The following DUSP16 variants were observed in gnomAD, a reference collection of about 807,000 sequenced individuals.
DUSP16 encodes the protein dual specificity protein phosphatase 16.
DUSP16 carries 21 observed loss-of-function variants against 58.3 expected under a neutral mutation model. The observed-to-expected ratio is 0.36, with a 90% CI of 0.26 to 0.52. DUSP16 has a LOEUF of 0.52. Among genes scored for constraint, DUSP16 ranks in the 20% least tolerant of loss-of-function variants. DUSP16 has a pLI of 0.94. For synonymous variants in DUSP16, 320 were observed against 323.8 expected (o/e 0.99, Z 0.12); for missense variants, 726 against 819.0 (o/e 0.89, Z 1.39).
intron 1 of DUSP16, among the ~76,000 whole-genome samples, chr12:12,545,584 T>C (rs1944630138): frequency 6.6e-6 from 1 of 152,100 alleles, no homozygotes; most frequent in Admixed American, 6.6e-5. Context: ...GCCTGGCCAC[T>C]ACATTTATTT....
In DUSP16 at chr12:12,552,313, G is replaced by T. The variant is rs577333190; in HGVS notation, c.-366+9804C>A. ...ATATAAAAATTAGCTGGGCATGGTG[G>T]TGCGTGCCTGTAATCCCAGTTACTT... On this transcript the variant is annotated intron_variant, in intron 1 of 6. Transcript: ENST00000298573. Among the ~76,000 whole-genome samples the T allele has an allele frequency of 2.0e-5, 3 of 152,028 alleles. No homozygotes were observed. In the East Asian group the frequency reaches 5.8e-4, roughly 30 times the overall value.
At chr12:12,542,486 T>C (rs1297602794) in intron 1 of DUSP16, among the ~76,000 whole-genome samples, 4 of 149,792 alleles carry the variant, frequency 2.7e-5, no homozygotes, top group Non-Finnish European at 5.9e-5. Context: ...GAGTGGGAAA[T>C]GGTGTATGAC....
intron 4 of DUSP16, among the ~76,000 whole-genome samples, chr12:12,488,449 T>C (rs1187926265): frequency 6.6e-6 from 1 of 152,230 alleles, no homozygotes; most frequent in Non-Finnish European, 1.5e-5. Flanking sequence ...GTCTTGTTTT[T>C]GCACCTTCAG....
intron 5 of DUSP16, among the ~76,000 whole-genome samples, chr12:12,481,810 T>G (rs1565975551): frequency 6.6e-6 from 1 of 152,280 alleles, no homozygotes; most frequent in East Asian, 1.9e-4. Flanking sequence ...TTCCTGTGCC[T>G]CCAGCATCCC....
intron 1 of DUSP16, among the ~76,000 whole-genome samples, chr12:12,541,828 A>AACT (rs10685981): frequency 6.6e-6 from 1 of 151,652 alleles, no homozygotes; most frequent in Admixed American, 6.6e-5. Context: ...AATCTAAAAT[A>AACT]ATTTAAGAAA....
chr12:12,556,655 T>G (rs375246007), intron 1 of DUSP16, among the ~76,000 whole-genome samples: 4 of 152,078 alleles, frequency 2.6e-5, no homozygotes, highest in Admixed American at 2.0e-4. Flanking sequence ...AAGAACAAAA[T>G]GTGCCCCAAA....
chr12:12,530,511 C>A (rs957714813), intron 1 of DUSP16, among the ~76,000 whole-genome samples: 11 of 152,148 alleles, frequency 7.2e-5, no homozygotes, highest in African/African-American at 2.7e-4. Flanking sequence ...TTTAGCTTGA[C>A]ATAATCCCAT....
intron 4 of DUSP16, among the ~76,000 whole-genome samples, chr12:12,493,290 C>G (rs1282882760): frequency 1.3e-5 from 2 of 152,162 alleles, no homozygotes; most frequent in Non-Finnish European, 2.9e-5. Context: ...CACACCCCTA[C>G]CATCCAATCC....
intron 4 of DUSP16, among the ~76,000 whole-genome samples, chr12:12,496,015 C>T (rs530553822): frequency 6.6e-6 from 1 of 152,260 alleles, no homozygotes; most frequent in South Asian, 2.1e-4. Context: ...GGTAAAGAGA[C>T]TGAGATGCAG....
chr12:12,522,854 G>A (rs1027996017), intron 1 of DUSP16, among the ~76,000 whole-genome samples: 11 of 152,162 alleles, frequency 7.2e-5, no homozygotes, highest in Non-Finnish European at 8.8e-5. Context: ...ATGAGCCACC[G>A]CACCCAGCCT....
At chr12:12,520,775 A>G (rs1305391724) in intron 2 of DUSP16, 96 bp downstream of exon 2, 4 of 1,441,372 alleles carry the variant, frequency 2.8e-6, no homozygotes, top group Non-Finnish European at 2.8e-6. Flanking sequence ...AACTTCCTCA[A>G]ATTACTTTCT....
At chr12:12,561,965 C>T (rs1944910599) in intron 1 of DUSP16, among the ~76,000 whole-genome samples, 152 bp downstream of exon 1, 1 of 150,312 alleles carries the variant, frequency 6.7e-6, no homozygotes, top group African/African-American at 2.4e-5. Flanking sequence ...GCCGGTACGC[C>T]CGGGAAGGCA....
chr12:12,552,634 A>G (rs1403958068), intron 1 of DUSP16, among the ~76,000 whole-genome samples: 2 of 152,174 alleles, frequency 1.3e-5, no homozygotes, highest in African/African-American at 4.8e-5. Flanking sequence ...TACAGGAGCA[A>G]TTATGCAAAC....
At chr12:12,556,429 G>A (rs565241106) in intron 1 of DUSP16, among the ~76,000 whole-genome samples, 24 of 151,998 alleles carry the variant, frequency 1.6e-4, no homozygotes, top group African/African-American at 1.4e-4. Context: ...ATAATTAGCC[G>A]GGTGTGGTGG....
intron 1 of DUSP16, among the ~76,000 whole-genome samples, chr12:12,556,093 G>C (rs1944801637): frequency 6.6e-6 from 1 of 152,080 alleles, no homozygotes; most frequent in Non-Finnish European, 1.5e-5. Flanking sequence ...GAAATCAAGA[G>C]AGCACTAAAG....
At chr12:12,518,840 C>A (rs955938183) in intron 3 of DUSP16, among the ~76,000 whole-genome samples, 1 of 152,180 alleles carries the variant, frequency 6.6e-6, no homozygotes, top group Non-Finnish European at 1.5e-5. Flanking sequence ...GATAGACAAT[C>A]TGAAAAAGAT....
chr12:12,547,531 TAAAAA>T (rs761142479), intron 1 of DUSP16, among the ~76,000 whole-genome samples: 1 of 66,656 alleles, frequency 1.5e-5, no homozygotes, highest in African/African-American at 4.9e-5. Flanking sequence ...TGAGTAGGCT[TAAAAA>T]AAAAAAAAAA....
At position 12,475,429 on chromosome 12, in the gene DUSP16, C is replaced by T. The variant is rs1167494123; in HGVS notation, c.*1404G>A. 2.0e-5 allele frequency: 3 copies of T among 152,368 alleles called. No individual in the cohort carries two copies. The highest frequency in any genetic ancestry group is 7.2e-5 in the African/African-American group (3 of 41,564). 9.4% of individuals were successfully genotyped at this position (152,368 alleles called of 1,614,324 possible). On this transcript the variant is annotated 3_prime_UTR_variant, in exon 7 of 7. Transcript: ENST00000298573. Reference sequence around the variant, plus strand: ...AGGACTGAGGACGCCCCTTTGCTCTCGCTCCATTTTGATTTGCTTTTTCCA... The same window carrying T: ...AGGACTGAGGACGCCCCTTTGCTCTTGCTCCATTTTGATTTGCTTTTTCCA...
rs1212186620 is a variant in DUSP16, at chr12:12,562,516, G to C, written c.-765C>G. ...AGGTGGTAATAATCGTTTAAAAACT[G>C]ATTAAAGCCCCCCAAACACTGATAC... On this transcript the variant is annotated 5_prime_UTR_variant, in exon 1 of 7. The change creates a new upstream start codon in the 5' untranslated region. Transcript: ENST00000298573. The C allele has an allele frequency of 8.4e-6, 1 of 119,670 alleles. No individual in the cohort carries two copies. Among genetic ancestry groups the C allele is most frequent in the Non-Finnish European group, 1.6e-5 (1 of 61,500 alleles). 7.4% of individuals were successfully genotyped at this position (119,670 alleles called of 1,614,324 possible).
Sources: allele counts gnomAD v4.1 joint callset (sites outside exome capture counted in the v4.1 genomes callset), GRCh38; gene constraint gnomAD v4.1.1; transcripts MANE v1.5; gene names NCBI Gene and HGNC (gene_info 2026-07-23, HGNC 2026-07-21).